Variants in DIP2C observed in about 807,000 individuals in gnomAD.
DIP2C encodes the protein disco-interacting protein 2 homolog C.
In DIP2C, 33 loss-of-function variants were observed where a neutral mutation model predicts 192.4. The ratio of observed to expected loss-of-function variants is 0.17; its 90% confidence interval spans 0.13 to 0.23. The LOEUF (loss-of-function observed/expected upper bound fraction) is 0.23. DIP2C is among the 10% of genes least tolerant of loss of function. DIP2C has a pLI of 1.00. For synonymous variants in DIP2C, 979 were observed against 864.1 expected (o/e 1.13, Z -2.33); for missense variants, 1,537 against 2,110.1 (o/e 0.73, Z 5.32).
chr10:275,001 C>T lies in DIP2C; in HGVS notation c.*2324G>A, dbSNP rs1460057677. 1.3e-5 allele frequency: 2 copies of T among 152,246 alleles called. 1 individual carries two copies. The highest frequency in any genetic ancestry group is 3.8e-4 in the East Asian group (2 of 5,202). The allele number at this position is 152,246 out of a possible 1,614,324, so 9.4% of individuals were successfully genotyped here. On this transcript the variant is annotated 3_prime_UTR_variant, in exon 37 of 37. Coordinates refer to ENST00000280886, the MANE Select transcript of DIP2C (RefSeq NM_014974.3). ...AAATTTCAATCTCAGTCCACCAACT[C>T]TTTTGAGCCTAAACTCTAACTAATC... is the stretch of plus-strand genomic sequence containing the variant.
chr10:623,345 C>T (rs1479323581), intron 1 of DIP2C, among the ~76,000 whole-genome samples: 1 of 151,444 alleles, frequency 6.6e-6, no homozygotes, highest in Non-Finnish European at 1.5e-5. Context: ...ACGCTGCAGC[C>T]GTGCTGGCGA....
chr10:280,952 T>C (rs975497302), intron 36 of DIP2C, among the ~76,000 whole-genome samples: 3 of 152,138 alleles, frequency 2.0e-5, no homozygotes, highest in Non-Finnish European at 4.4e-5. Flanking sequence ...TCCTGGAAAA[T>C]GTTGTCAAGT....
At position 671,721 on chromosome 10, in the gene DIP2C, CCACAGACGCACGGACGGAGGAAACGT is replaced by C. The variant is rs1564330038; in HGVS notation, c.85+17747_85+17772del. On this transcript the variant is annotated intron_variant, in intron 1 of 36. Coordinates refer to ENST00000280886, the MANE Select transcript of DIP2C (RefSeq NM_014974.3). ...CACAGACGCACGGACGGAGGAAACG[CCACAGACGCACGGACGGAGGAAACGT>C]CACAGACGCACGGACGGAGGAAACG... 1.9e-3 allele frequency among the ~76,000 whole-genome samples: 197 copies of C among 103,852 alleles called. 4 individuals are homozygous for C. The highest frequency in any genetic ancestry group is 5.1e-3 in the East Asian group (16 of 3,118). 68.1% of individuals were successfully genotyped at this position (103,852 alleles called of 152,430 possible).
intron 1 of DIP2C, among the ~76,000 whole-genome samples, chr10:585,029 C>T (rs111499650): frequency 0.035 from 5,257 of 150,350 alleles, 274 homozygotes; most frequent in African/African-American, 0.12. Flanking sequence ...CCCCCACTCA[C>T]GCACATCACC....
At chr10:671,784 C>G (rs1217750989) in intron 1 of DIP2C, among the ~76,000 whole-genome samples, 3 of 140,268 alleles carry the variant, frequency 2.1e-5, no homozygotes, top group Admixed American at 7.0e-5. Context: ...CACAGACGCA[C>G]GGACGGAGGA....
chr10:580,068 G>A (rs1329440682), intron 1 of DIP2C, among the ~76,000 whole-genome samples: 1 of 152,106 alleles, frequency 6.6e-6, no homozygotes, highest in Non-Finnish European at 1.5e-5. Context: ...TAACCTGTAT[G>A]TACATGCATA....
intron 1 of DIP2C, among the ~76,000 whole-genome samples, chr10:622,505 A>C (rs535500949): frequency 3.3e-5 from 5 of 152,074 alleles, no homozygotes; most frequent in Non-Finnish European, 7.4e-5. Context: ...GCTGTTTATA[A>C]CTGTTAGCAT....
intron 3 of DIP2C, among the ~76,000 whole-genome samples, chr10:451,396 A>C (rs1968835281): frequency 6.6e-6 from 1 of 152,174 alleles, no homozygotes; most frequent in South Asian, 2.1e-4. Context: ...TGCCCAGAAT[A>C]ATCATGTGGT....
intron 1 of DIP2C, among the ~76,000 whole-genome samples, chr10:626,712 C>G (rs993799099): frequency 3.3e-5 from 5 of 152,134 alleles, no homozygotes; most frequent in Non-Finnish European, 5.9e-5. Context: ...TCACTGTTGC[C>G]CAGGAAGGAT....
chr10:346,560 C>T (rs1589557125), intron 26 of DIP2C, among the ~76,000 whole-genome samples: 1 of 142,696 alleles, frequency 7.0e-6, no homozygotes, highest in Non-Finnish European at 1.5e-5. Flanking sequence ...CCAGACACAT[C>T]GCGCATAGTT....
At position 594,165 on chromosome 10, in the gene DIP2C, C is replaced by T. The variant is rs368074263; in HGVS notation, c.85+95329G>A. On this transcript the variant is annotated intron_variant, in intron 1 of 36. Coordinates refer to ENST00000280886, the MANE Select transcript of DIP2C (RefSeq NM_014974.3). The stretch of plus-strand genomic sequence containing the variant: ...GGTCCCGTTGCAGACTGGGAGAGAA[C>T]GGCCAGACATGGACCCAGGGAGAGC... Among the ~76,000 whole-genome samples the T allele has an allele frequency of 9.7e-4, 148 of 152,316 alleles. 4 individuals are homozygous for T. In the South Asian group the frequency reaches 0.011, roughly 12 times the overall value.
At chr10:581,530 A>G (rs1467798722) in intron 1 of DIP2C, among the ~76,000 whole-genome samples, 2 of 152,238 alleles carry the variant, frequency 1.3e-5, no homozygotes, top group Non-Finnish European at 2.9e-5. Context: ...AAGAAAAGAT[A>G]CAAGTATCTG....
rs771043430 is a variant in DIP2C at position 374,412 on chromosome 10, G to A, written c.1992-4779C>T. On this transcript the variant is annotated intron_variant, in intron 17 of 36. Coordinates refer to ENST00000280886, the MANE Select transcript of DIP2C (RefSeq NM_014974.3). The stretch of plus-strand genomic sequence containing the variant: ...CTCACACTGGCTGTATTGTGTTGTG[G>A]TTATATATTTAATGACCTATTCTGC... Among the ~76,000 whole-genome samples the A allele has an allele frequency of 2.6e-5, 4 of 152,214 alleles. No individual in the cohort carries two copies. In the South Asian group the frequency reaches 8.3e-4, roughly 32 times the overall value.
At chr10:391,064 G>A (rs1963420807) in intron 10 of DIP2C, among the ~76,000 whole-genome samples, 2 of 152,194 alleles carry the variant, frequency 1.3e-5, no homozygotes, top group African/African-American at 2.4e-5. Flanking sequence ...AACAGGTATA[G>A]AAAGAACAGC....
At chr10:386,721 C>T (rs1056771031) in intron 14 of DIP2C, among the ~76,000 whole-genome samples, 1 of 152,208 alleles carries the variant, frequency 6.6e-6, no homozygotes, top group African/African-American at 2.4e-5. Context: ...TACAGGAATT[C>T]CTGTATTCAT....
At chr10:637,471 G>A (rs1486465637) in intron 1 of DIP2C, among the ~76,000 whole-genome samples, 2 of 152,230 alleles carry the variant, frequency 1.3e-5, no homozygotes, top group Non-Finnish European at 2.9e-5. Context: ...TGTCTGGTGA[G>A]GGCTTCCTGG....
chr10:371,602 T>G (rs1960963221), intron 17 of DIP2C, among the ~76,000 whole-genome samples: 3 of 145,668 alleles, frequency 2.1e-5, no homozygotes. Flanking sequence ...CACCCAAGGC[T>G]GGGGTGAGGC....
chr10:430,408 A>T (rs959144164), intron 4 of DIP2C: 143 of 152,338 alleles, frequency 9.4e-4, no homozygotes, highest in African/African-American at 3.2e-3. Context: ...CCTGAGAGGC[A>T]TAACTCACAA....
intron 3 of DIP2C, among the ~76,000 whole-genome samples, chr10:451,384 A>T (rs1968834307): frequency 6.6e-6 from 1 of 152,230 alleles, no homozygotes; most frequent in Non-Finnish European, 1.5e-5. Flanking sequence ...ATCGCCCTTC[A>T]GTGCCCAGAA....
Sources: allele counts gnomAD v4.1 joint callset (sites outside exome capture counted in the v4.1 genomes callset), GRCh38; gene constraint gnomAD v4.1.1; transcripts MANE v1.5; gene names NCBI Gene and HGNC (gene_info 2026-07-23, HGNC 2026-07-21).